Variants in CYB5A observed in about 807,000 individuals in gnomAD.
CYB5A encodes the protein cytochrome b5 type A, also known as cytochrome b5.
In CYB5A, 10 loss-of-function variants were observed where a neutral mutation model predicts 16.2. The observed-to-expected ratio is 0.62, with a 90% CI of 0.38 to 1.04. The LOEUF (loss-of-function observed/expected upper bound fraction) is 1.04. CYB5A is among the 50% of genes least tolerant of loss of function. The probability of loss-of-function intolerance (pLI) is 0.01; values close to 1 mark genes in which losing one functional copy is unlikely to be tolerated. For synonymous variants in CYB5A, 62 were observed against 57.0 expected (o/e 1.09, Z -0.40); for missense variants, 161 against 165.9 (o/e 0.97, Z 0.16).
At chr18:74,274,584 T>A (rs1440850861) in intron 1 of CYB5A, among the ~76,000 whole-genome samples, 1 of 152,210 alleles carries the variant, frequency 6.6e-6, no homozygotes. Flanking sequence ...CAGAAGCTGG[T>A]CACTGGGTGA....
At position 74,260,959 on chromosome 18, in the gene CYB5A, T is replaced by C; in HGVS notation, c.259-15A>G. On this transcript the variant is annotated splice_polypyrimidine_tract_variant and intron_variant, in intron 2 of 4. Transcript: ENST00000340533. ...GGTCTGTCATCCTGCAATGAAAAGA[T>C]AAGGCACATTATGGAATTTAAAAAT... 2.5e-6 allele frequency: 4 copies of C among 1,607,504 alleles called. No homozygotes were observed. Among genetic ancestry groups the C allele is most frequent in the Non-Finnish European group, 3.4e-6 (4 of 1,174,170 alleles).
At chr18:74,254,022 C>T (rs1208222260) in intron 4 of CYB5A, among the ~76,000 whole-genome samples, 3 of 152,044 alleles carry the variant, frequency 2.0e-5, no homozygotes, top group Non-Finnish European at 4.4e-5. Context: ...CCAAAAAATA[C>T]AAAAAGTAGC....
chr18:74,278,686 T>C (rs561410517), intron 1 of CYB5A, among the ~76,000 whole-genome samples: 1 of 152,356 alleles, frequency 6.6e-6, no homozygotes, highest in African/African-American at 2.4e-5. Flanking sequence ...AAAGGTTAGT[T>C]AGGCCAAGGG....
rs1397798946 is a variant in CYB5A, at chr18:74,262,468, AAAG to A, written c.258+878_258+880del. 3.2e-3 allele frequency among the ~76,000 whole-genome samples: 465 copies of A among 147,068 alleles called. 4 individuals are homozygous for A. The highest frequency in any genetic ancestry group is 0.023 in the Admixed American group (340 of 14,628). On this transcript the variant is annotated intron_variant, in intron 2 of 4. Transcript: ENST00000340533. ...AAGACTCTGTCTCAAAAAAAAAAAA[AAAG>A]AAAAGAAAAGCCAAATTAGGCCAGT...
At chr18:74,290,698 T>A (rs1018656747) in intron 1 of CYB5A, among the ~76,000 whole-genome samples, 2 of 152,148 alleles carry the variant, frequency 1.3e-5, no homozygotes, top group African/African-American at 4.8e-5. Context: ...AACCTTCTCA[T>A]TATTGGGAGG....
In CYB5A at chr18:74,267,332, T is replaced by A. The variant is rs570245707; in HGVS notation, c.130-3855A>T. Among the ~76,000 whole-genome samples the A allele has an allele frequency of 1.6e-4, 24 of 152,336 alleles. No individual in the cohort carries two copies. In the South Asian group the frequency reaches 5.0e-3, roughly 32 times the overall value. On this transcript the variant is annotated intron_variant, in intron 1 of 4. Coordinates refer to ENST00000340533, the MANE Select transcript of CYB5A (RefSeq NM_148923.4). ...CCACCACACCCGGCTAATTTTTGTA[T>A]TTTTAGTAGAGACGGGATTTCACCA...
Position 74,291,893 on chromosome 18 carries a change from C to G in CYB5A, c.-18G>C. ...TCTGCCATCTCGGTTCGCCGCGAGCCAGGCCCAGCACACACAGCCCCGTCG... is the reference window on the plus strand; with the variant it reads ...TCTGCCATCTCGGTTCGCCGCGAGCGAGGCCCAGCACACACAGCCCCGTCG... On this transcript the variant is annotated 5_prime_UTR_variant, in exon 1 of 5. Coordinates refer to ENST00000340533, the MANE Select transcript of CYB5A (RefSeq NM_148923.4). 6.2e-7 allele frequency: 1 copy of G among 1,609,904 alleles called. No individual in the cohort carries two copies. The highest frequency in any genetic ancestry group is 8.5e-7 in the Non-Finnish European group (1 of 1,179,840).
chr18:74,283,224 T>C (rs1245471067), intron 1 of CYB5A, among the ~76,000 whole-genome samples: 1 of 152,080 alleles, frequency 6.6e-6, no homozygotes, highest in African/African-American at 2.4e-5. Context: ...CACTGAGGGA[T>C]TTATCAGAGC....
chr18:74,252,746 C>G lies in CYB5A; in HGVS notation c.*838G>C, dbSNP rs1458378765. The stretch of plus-strand genomic sequence containing the variant: ...TGAGACAGAGTTTCACTCTTGTTGC[C>G]CAGCTGGAGTTCAACGGCGCGATCT... On this transcript the variant is annotated 3_prime_UTR_variant, in exon 5 of 5. Coordinates refer to ENST00000340533, the MANE Select transcript of CYB5A (RefSeq NM_148923.4). The G allele has an allele frequency of 6.6e-6, 1 of 152,112 alleles. No individual in the cohort carries two copies. The highest frequency in any genetic ancestry group is 1.5e-5 in the Non-Finnish European group (1 of 68,056). The allele number at this position is 152,112 out of a possible 1,614,324, so 9.4% of individuals were successfully genotyped here. A position where few individuals can be genotyped will look rare whatever the true frequency, so the allele number is the denominator to read the frequency against.
intron 1 of CYB5A, among the ~76,000 whole-genome samples, chr18:74,284,108 G>C (rs145101505): frequency 1.2e-4 from 18 of 151,962 alleles, no homozygotes; most frequent in Non-Finnish European, 4.4e-5. Context: ...GTGCATGCCT[G>C]TAATCCCAGC....
chr18:74,253,483 G>C lies in CYB5A; in HGVS notation c.*101C>G. On this transcript the variant is annotated 3_prime_UTR_variant, in exon 5 of 5. Coordinates refer to ENST00000340533, the MANE Select transcript of CYB5A (RefSeq NM_148923.4). The stretch of plus-strand genomic sequence containing the variant: ...AAGAAAGAGATATATTAAAATCATT[G>C]TTTTCAAGTGAAGGTTTCTGTCAGT... The C allele has an allele frequency of 3.6e-5, 26 of 729,376 alleles. No homozygotes were observed. The South Asian group carries it at 3.9e-4, about 11-fold the overall frequency. 45.2% of individuals were successfully genotyped at this position (729,376 alleles called of 1,614,324 possible).
chr18:74,268,227 T>C (rs1380939423), intron 1 of CYB5A, among the ~76,000 whole-genome samples: 1 of 152,216 alleles, frequency 6.6e-6, no homozygotes, highest in African/African-American at 2.4e-5. Context: ...TGAAAGAGTT[T>C]AGTGCCATGA....
At chr18:74,277,236 C>T (rs1193992054) in intron 1 of CYB5A, among the ~76,000 whole-genome samples, 2 of 152,148 alleles carry the variant, frequency 1.3e-5, no homozygotes, top group African/African-American at 2.4e-5. Flanking sequence ...TTTTCTAAGA[C>T]GGGAAAGGGT....
intron 3 of CYB5A, chr18:74,260,622 G>C (rs1982160326): frequency 2.2e-6 from 1 of 448,704 alleles, no homozygotes; most frequent in African/African-American, 2.0e-5. Flanking sequence ...TTTTAGATCA[G>C]AAGCACGTGC....
chr18:74,276,114 C>T (rs1982865372), intron 1 of CYB5A, among the ~76,000 whole-genome samples: 1 of 152,176 alleles, frequency 6.6e-6, no homozygotes, highest in African/African-American at 2.4e-5. Context: ...AGGCAACTGA[C>T]CTGGAGATCT....
chr18:74,291,913 C>G lies in CYB5A; in HGVS notation c.-38G>C, dbSNP rs1245982059. On this transcript the variant is annotated 5_prime_UTR_variant, in exon 1 of 5. Transcript: ENST00000340533. The stretch of plus-strand genomic sequence containing the variant: ...CGAGCCAGGCCCAGCACACACAGCC[C>G]CGTCGGGTGGAGCAGAGCGCGCGAC... 3 of 1,607,232 alleles carry G rather than the reference C, an allele frequency of 1.9e-6. No homozygotes were observed. Among genetic ancestry groups the G allele is most frequent in the Non-Finnish European group, 2.5e-6 (3 of 1,179,756 alleles).
chr18:74,289,145 C>A (rs1228786811), intron 1 of CYB5A, among the ~76,000 whole-genome samples: 2 of 152,096 alleles, frequency 1.3e-5, no homozygotes, highest in African/African-American at 4.8e-5. Flanking sequence ...CCCTCTTGTT[C>A]ATTTTATTTG....
chr18:74,255,235 T>C (rs1981926588), intron 4 of CYB5A, among the ~76,000 whole-genome samples: 1 of 152,204 alleles, frequency 6.6e-6, no homozygotes, highest in Middle Eastern at 3.2e-3. Context: ...CTGCCAAAGA[T>C]GTTAATGTGC....
chr18:74,264,938 A>G (rs1057369362), intron 1 of CYB5A, among the ~76,000 whole-genome samples: 1 of 99,898 alleles, frequency 1.0e-5, no homozygotes, highest in African/African-American at 3.5e-5. Flanking sequence ...CATCCTAAAT[A>G]CGTACTTTTG....
Sources: gnomAD v4.1 joint callset for allele counts (sites outside exome capture counted in the v4.1 genomes callset) on GRCh38, gnomAD v4.1.1 for gene constraint, MANE v1.5 for transcripts, NCBI Gene and HGNC (gene_info 2026-07-23, HGNC 2026-07-21) for gene names.